RAB37: variants seen among roughly 807,000 people sequenced by gnomAD.
The protein encoded by RAB37 is RAB37, member RAS oncogene family, also known as ras-related protein Rab-37.
In RAB37, 29 loss-of-function variants were observed where a neutral mutation model predicts 33.1. The ratio of observed to expected loss-of-function variants is 0.88; its 90% CI spans 0.65 to 1.20. RAB37 has a LOEUF of 1.20. Among genes scored for constraint, RAB37 ranks in the 50% most tolerant of loss-of-function variants. RAB37 has a pLI of 0.00. For missense variants in RAB37, 299 were observed against 301.1 expected, an observed-to-expected ratio of 0.99 and a Z score of 0.05; for synonymous variants, 128 against 119.5, an observed-to-expected ratio of 1.07 and a Z score of -0.47.
chr17:74,729,313 C>A lies in RAB37; in HGVS notation c.130C>A (p.Gln44Lys). 6.2e-7 allele frequency: 1 copy of A among 1,614,070 alleles called. No homozygotes were observed. Among genetic ancestry groups the A allele is most frequent in the Non-Finnish European group, 8.5e-7 (1 of 1,179,990 alleles). The change falls in exon 2 of 8, where the codon CAG becomes AAG. Residue 44 changes from glutamine to lysine, a missense_variant. Gln to Lys is a moderately conservative substitution (Grantham distance 53). Coordinates refer to the RAB37 transcript ENST00000340415. This position sits in a 1 kb window ranked among gnomAD's most constrained non-coding sequence, Gnocchi z 4.2. The stretch of plus-strand genomic sequence containing the variant: ...GACGTCTCTGCTGGTTCAGTTCGAT[C>A]AGGGCAAGTTCATCCCCGGCTCCTT...
rs184773553 is a variant in RAB37, at chr17:74,746,151, C to T, written c.*740C>T. 7.1e-3 allele frequency: 1,078 copies of T among 152,176 alleles called. 10 individuals are homozygous for T. Among genetic ancestry groups the T allele is most frequent in the Non-Finnish European group, 0.012 (796 of 68,064 alleles). The allele number at this position is 152,176 out of a possible 1,614,324, so 9.4% of individuals were successfully genotyped here. ...TCAGATCCTGGGGGAGCCCCTCCCC[C>T]CCCTGAATCCCTGGCTTAGCTACCT... On this transcript the variant is annotated 3_prime_UTR_variant, in exon 9 of 9. Transcript: ENST00000392613. The surrounding 1 kb of genome is among the most constrained non-coding windows in gnomAD (Gnocchi z 5.2).
chr17:74,671,427 C>A lies in RAB37; in HGVS notation c.-160C>A, dbSNP rs1440416963. On this transcript the variant is annotated 5_prime_UTR_variant, in exon 1 of 8. Coordinates refer to the RAB37 transcript ENST00000340415. The surrounding 1 kb of genome is among the most constrained non-coding windows in gnomAD (Gnocchi z 5.0). ...GCCGCCTGCCCGCCTGGTACCGCGC[C>A]GCGGCCGCTGCGGGGAACTGTCCAG... 1.6e-6 allele frequency: 1 copy of A among 640,730 alleles called. No individual in the cohort carries two copies. The allele number at this position is 640,730 out of a possible 1,614,324, so 39.7% of individuals were successfully genotyped here. A position where few individuals can be genotyped will look rare whatever the true frequency, so the allele number is the denominator to read the frequency against.
At chr17:74,732,460 A>T (rs1273056150), upstream of RAB37, among the ~76,000 whole-genome samples, 1 of 126,646 alleles carries the variant, frequency 7.9e-6, no homozygotes. Context: ...CCATCTCTGC[A>T]GGTGTGATTT....
rs992090789 is a variant in RAB37, at chr17:74,729,472, A to T, written c.183+106A>T. ...GGTGGACACTCGCATTGGATCATTC[A>T]AGGAGGATTAAGGAGAAGACTGTTC... is the stretch of plus-strand genomic sequence containing the variant. On this transcript the variant is annotated intron_variant, in intron 2 of 7. Coordinates refer to the RAB37 transcript ENST00000340415. The surrounding 1 kb of genome is among the most constrained non-coding windows in gnomAD (Gnocchi z 4.2). The T allele has an allele frequency of 1.3e-5, 10 of 796,822 alleles. No homozygotes were observed. Among genetic ancestry groups the T allele is most frequent in the African/African-American group, 8.4e-5 (5 of 59,490 alleles). 49.4% of individuals were successfully genotyped at this position (796,822 alleles called of 1,614,324 possible).
intron 1 of RAB37, among the ~76,000 whole-genome samples, chr17:74,723,504 A>G (rs2034267719): frequency 6.6e-6 from 1 of 152,198 alleles, no homozygotes; most frequent in Non-Finnish European, 1.5e-5. Context: ...GACTCAAGAA[A>G]GAACAAAGAC....
chr17:74,686,574 A>G (rs1195486493), intron 1 of RAB37, among the ~76,000 whole-genome samples: 1 of 151,866 alleles, frequency 6.6e-6, no homozygotes, highest in Non-Finnish European at 1.5e-5. Context: ...TATTTTTTTT[A>G]GTAGATACGA....
intron 1 of RAB37, among the ~76,000 whole-genome samples, chr17:74,681,983 G>A (rs909929826): frequency 3.3e-5 from 5 of 152,228 alleles, no homozygotes; most frequent in Non-Finnish European, 5.9e-5. Flanking sequence ...TGGGCTTTGA[G>A]TACCAAAGAA....
upstream of RAB37, chr17:74,736,803 G>A: frequency 2.0e-6 from 3 of 1,535,304 alleles, no homozygotes; most frequent in Middle Eastern, 1.7e-4. Flanking sequence ...ATGAGGAAGT[G>A]TCTCGGGGCC....
rs150752477 is a variant in RAB37 at position 74,712,450 on chromosome 17, G to A, written c.73-16806G>A. ...CCTCCAGCCTCACCTCTTCCCTGACGCCTGCCCTTGCTCAGAACACCTCCA... is the reference window on the plus strand; with the variant it reads ...CCTCCAGCCTCACCTCTTCCCTGACACCTGCCCTTGCTCAGAACACCTCCA... On this transcript the variant is annotated intron_variant, in intron 1 of 7. Coordinates refer to the RAB37 transcript ENST00000340415. 4.6e-3 allele frequency among the ~76,000 whole-genome samples: 694 copies of A among 152,104 alleles called. 3 individuals carry two copies. Among genetic ancestry groups the A allele is most frequent in the African/African-American group, 0.016 (655 of 41,482 alleles).
chr17:74,712,611 G>A (rs1392599206), intron 1 of RAB37, among the ~76,000 whole-genome samples: 1 of 152,220 alleles, frequency 6.6e-6, no homozygotes, highest in Non-Finnish European at 1.5e-5. Flanking sequence ...CTGGGGGTCA[G>A]GAATTCTGCC....
intron 1 of RAB37, among the ~76,000 whole-genome samples, chr17:74,706,941 A>G (rs1293259716): frequency 6.6e-6 from 1 of 152,240 alleles, no homozygotes; most frequent in Non-Finnish European, 1.5e-5. Context: ...CCACGTCCAG[A>G]AGAATGAAGC....
At chr17:74,718,651 C>A (rs1455143434) in intron 1 of RAB37, among the ~76,000 whole-genome samples, 1 of 152,196 alleles carries the variant, frequency 6.6e-6, no homozygotes, top group Non-Finnish European at 1.5e-5. Flanking sequence ...TTCCCCAGTG[C>A]AATGCACCTC....
rs908377299 is a variant in RAB37 at position 74,738,712 on chromosome 17, T to A, written c.93+1347T>A. On this transcript the variant is annotated intron_variant, in intron 1 of 8. Coordinates refer to ENST00000392613, the MANE Select transcript of RAB37 (RefSeq NM_001006638.3). This position sits in a 1 kb window ranked among gnomAD's most constrained non-coding sequence, Gnocchi z 5.0. ...ATCCCCCACCCCTTCATCTGTTCCC[T>A]GGCCAAGCGGCATTGGCCGGAGAGT... is the stretch of plus-strand genomic sequence containing the variant. 1.4e-4 allele frequency among the ~76,000 whole-genome samples: 21 copies of A among 152,228 alleles called. No homozygotes were observed. In the East Asian group the frequency reaches 4.1e-3, roughly 29 times the overall value.
chr17:74,727,310 A>C (rs183220100), intron 1 of RAB37, among the ~76,000 whole-genome samples: 10 of 152,380 alleles, frequency 6.6e-5, no homozygotes, highest in Non-Finnish European at 1.2e-4. Context: ...CAAATGTGCA[A>C]GGGTTTTACT....
At chr17:74,704,280 T>G (rs568945737) in intron 1 of RAB37, 62 of 590,456 alleles carry the variant, frequency 1.1e-4, no homozygotes, top group African/African-American at 1.0e-3. Context: ...AATCCCGTCG[T>G]GGAGGGAGCC....
chr17:74,671,998 C>T lies in RAB37; in HGVS notation c.72+340C>T, dbSNP rs2031717849. On this transcript the variant is annotated intron_variant, in intron 1 of 7. Coordinates refer to the RAB37 transcript ENST00000340415. This position sits in a 1 kb window ranked among gnomAD's most constrained non-coding sequence, Gnocchi z 5.0. ...AACCCTTGTAGGAGACTGCATTTCT[C>T]CCTGTTACATCTGCTAGCAGTGGCC... is the stretch of plus-strand genomic sequence containing the variant. Among the ~76,000 whole-genome samples, 2 of 152,140 alleles carry T rather than the reference C, an allele frequency of 1.3e-5. No homozygotes were observed. Among genetic ancestry groups the T allele is most frequent in the South Asian group, 4.1e-4 (2 of 4,834 alleles).
In RAB37 at chr17:74,740,852, A is replaced by C. The variant is rs764620456; in HGVS notation, c.178A>C (p.Ile60Leu). 1 of 1,613,742 alleles carries C rather than the reference A, an allele frequency of 6.2e-7. No homozygotes were observed. Among genetic ancestry groups the C allele is most frequent in the Non-Finnish European group, 8.5e-7 (1 of 1,179,786 alleles). ...KDGAFLSGTF[I>L]ATVGIDFRNK... ...CGGGGCCTTCCTGTCCGGAACCTTC[A>C]TAGCCACCGTCGGCATAGACTTCAG... is the stretch of plus-strand genomic sequence containing the variant. The change falls in exon 2 of 9, where the codon ATA becomes CTA. Residue 60 changes from isoleucine to leucine, a missense_variant. Coordinates refer to ENST00000392613, the MANE Select transcript of RAB37 (RefSeq NM_001006638.3).
rs975500092 is a variant in RAB37, at chr17:74,676,877, G to A, written c.72+5219G>A. Among the ~76,000 whole-genome samples the A allele has an allele frequency of 3.9e-5, 6 of 152,170 alleles. No individual in the cohort carries two copies. Among genetic ancestry groups the A allele is most frequent in the African/African-American group, 1.2e-4 (5 of 41,424 alleles). On this transcript the variant is annotated intron_variant, in intron 1 of 7. Transcript: ENST00000340415. This position sits in a 1 kb window ranked among gnomAD's most constrained non-coding sequence, Gnocchi z 4.1. ...TGATTAAAGTTAACCTCCAGGCTTG[G>A]CACGGTGGCTCACACCTGTAATCCC...
At chr17:74,735,045 G>GAA (rs773597700), upstream of RAB37, among the ~76,000 whole-genome samples, 1 of 135,136 alleles carries the variant, frequency 7.4e-6, no homozygotes, top group East Asian at 2.2e-4. Flanking sequence ...AAGAAAGAAA[G>GAA]AAAGAAAGAA....
Sources: allele counts gnomAD v4.1 joint callset (sites outside exome capture counted in the v4.1 genomes callset), GRCh38; gene constraint gnomAD v4.1.1; non-coding constraint Gnocchi (gnomAD v3.1); transcripts MANE v1.5; gene names NCBI Gene and HGNC (gene_info 2026-07-23, HGNC 2026-07-21).